Variants in TRAK1 observed in about 807,000 individuals in gnomAD.
TRAK1 encodes trafficking kinesin-binding protein 1.
Under a neutral mutation model 92.1 loss-of-function variants are expected in TRAK1, and 33 were observed. That is an observed-to-expected ratio of 0.36 (90% CI 0.27 to 0.48). The LOEUF (loss-of-function observed/expected upper bound fraction) is 0.48, where lower values mean the gene tolerates loss of function less well. TRAK1 is among the 20% of genes least tolerant of loss of function. The pLI, the probability that TRAK1 is intolerant of heterozygous loss-of-function variation, is 0.99. For synonymous variants in TRAK1, 521 were observed against 517.3 expected, an observed-to-expected ratio of 1.01 and a Z score of -0.10; for missense variants, 1,123 against 1,257.9, an observed-to-expected ratio of 0.89 and a Z score of 1.62.
intron 1 of TRAK1, among the ~76,000 whole-genome samples, chr3:42,070,311 ATAAT>A (rs1222495681): frequency 2.7e-5 from 4 of 149,374 alleles, no homozygotes; most frequent in African/African-American, 9.8e-5. Context: ...AATAATTAAT[ATAAT>A]TAATTGCCAG....
chr3:42,028,663 G>A (rs1702005482), intron 1 of TRAK1, among the ~76,000 whole-genome samples: 1 of 152,248 alleles, frequency 6.6e-6, no homozygotes, highest in Non-Finnish European at 1.5e-5. Context: ...GAGAAGGCCA[G>A]TGTGGCTGCA....
At chr3:42,169,385 A>G (rs1702269121) in intron 2 of TRAK1, among the ~76,000 whole-genome samples, 4 of 152,138 alleles carry the variant, frequency 2.6e-5, no homozygotes, top group South Asian at 2.1e-4. Context: ...GCTATAATGA[A>G]TGATGCTGCT....
chr3:42,023,673 A>C (rs1365660706), intron 1 of TRAK1, among the ~76,000 whole-genome samples: 1 of 150,700 alleles, frequency 6.6e-6, no homozygotes, highest in African/African-American at 2.4e-5. Flanking sequence ...ACCACCATTA[A>C]TCAGTTGTCC....
At chr3:42,192,416 G>A (rs6810002) in intron 7 of TRAK1, among the ~76,000 whole-genome samples, 4,320 of 18,212 alleles carry the variant, frequency 0.24, 91 homozygotes, top group East Asian at 0.44. Flanking sequence ...TTTCGTCAAA[G>A]TACTAAGTAT....
chr3:42,091,636 G>A, intron 1 of TRAK1, 76 bp downstream of exon 1: 1 of 1,417,386 alleles, frequency 7.1e-7, no homozygotes, highest in South Asian at 1.2e-5. Context: ...GACCACAGGA[G>A]AAGCTGTCTC....
intron 2 of TRAK1, among the ~76,000 whole-genome samples, chr3:42,167,773 G>A (rs550747314): frequency 1.1e-4 from 16 of 152,238 alleles, no homozygotes; most frequent in African/African-American, 3.4e-4. Context: ...CCAGCTACTC[G>A]GGAGGCTGAG....
At chr3:42,178,316 C>T (rs946650872) in intron 3 of TRAK1, among the ~76,000 whole-genome samples, 11 of 152,160 alleles carry the variant, frequency 7.2e-5, no homozygotes, top group Non-Finnish European at 1.5e-4. Flanking sequence ...CTGTAAAGCT[C>T]CTCGCTGTGT....
chr3:42,070,722 C>A (rs1479731155), intron 1 of TRAK1, among the ~76,000 whole-genome samples: 1 of 152,204 alleles, frequency 6.6e-6, no homozygotes, highest in African/African-American at 2.4e-5. Flanking sequence ...AGTCACCATG[C>A]CCAGCACTGA....
intron 14 of TRAK1, among the ~76,000 whole-genome samples, chr3:42,213,538 A>G (rs1234750542): frequency 6.6e-6 from 1 of 152,230 alleles, no homozygotes; most frequent in East Asian, 1.9e-4. Context: ...CTGAGTGAGG[A>G]AAGGGCAGAG....
intron 9 of TRAK1, among the ~76,000 whole-genome samples, chr3:42,194,483 G>T (rs1706309830): frequency 6.6e-6 from 1 of 151,862 alleles, no homozygotes; most frequent in Non-Finnish European, 1.5e-5. Context: ...CAAACTGCCT[G>T]CCTTGCCCTC....
At chr3:42,206,336 T>C (rs1040582480) in intron 13 of TRAK1, among the ~76,000 whole-genome samples, 3 of 152,078 alleles carry the variant, frequency 2.0e-5, no homozygotes, top group Non-Finnish European at 2.9e-5. Context: ...ATAACTGAAA[T>C]AGCACAGTCA....
intron 14 of TRAK1, chr3:42,210,796 C>G: frequency 1.0e-6 from 1 of 985,454 alleles, no homozygotes. Context: ...CTAAGCTTTT[C>G]CAGAGAGAAG....
chr3:42,218,320 G>C (rs1428400722), intron 14 of TRAK1: 7 of 985,098 alleles, frequency 7.1e-6, no homozygotes, highest in Non-Finnish European at 7.2e-6. Context: ...ACCATAAGGA[G>C]CTAGAAGATT....
intron 3 of TRAK1, among the ~76,000 whole-genome samples, chr3:42,182,285 A>C (rs1389846919): frequency 2.1e-5 from 3 of 143,666 alleles, no homozygotes; most frequent in African/African-American, 7.8e-5. Context: ...GAGTTGGGGG[A>C]TTTGCAACTC....
chr3:42,043,550 T>C (rs1415380691), intron 1 of TRAK1, among the ~76,000 whole-genome samples: 1 of 152,044 alleles, frequency 6.6e-6, no homozygotes, highest in Admixed American at 6.5e-5. Context: ...ATGGATGTTG[T>C]CTTTGGCTTT....
chr3:42,223,979 C>T lies in TRAK1; in HGVS notation c.*242C>T. On this transcript the variant is annotated 3_prime_UTR_variant, in exon 16 of 16. Transcript: ENST00000327628. This position sits in a 1 kb window ranked among gnomAD's most constrained non-coding sequence, Gnocchi z 6.1. ...TTCTTCCGATCCCACAGGAAGTGCC[C>T]CTGCACTGTCATCACTCTCACGAGG... 1 of 645,302 alleles carries T rather than the reference C, an allele frequency of 1.5e-6. No individual in the cohort carries two copies. The highest frequency in any genetic ancestry group is 2.8e-6 in the Non-Finnish European group (1 of 354,316). 40.0% of individuals were successfully genotyped at this position (645,302 alleles called of 1,614,324 possible).
intron 14 of TRAK1, chr3:42,211,520 T>A: frequency 1.0e-6 from 1 of 985,418 alleles, no homozygotes; most frequent in Non-Finnish European, 1.2e-6. Flanking sequence ...AGGCAGGTGG[T>A]GGTGCAGAAA....
intron 2 of TRAK1, among the ~76,000 whole-genome samples, chr3:42,137,667 G>C (rs1280042713): frequency 1.3e-5 from 2 of 152,194 alleles, no homozygotes; most frequent in East Asian, 3.8e-4. Context: ...AGTTTAGCTA[G>C]AATTGATAGA....
chr3:42,113,532 G>C (rs1708770966), intron 1 of TRAK1, among the ~76,000 whole-genome samples: 1 of 151,958 alleles, frequency 6.6e-6, no homozygotes, highest in Non-Finnish European at 1.5e-5. Flanking sequence ...TCCTGCCTCA[G>C]CCTCCCAAGT....
Sources: allele counts gnomAD v4.1 joint callset (sites outside exome capture counted in the v4.1 genomes callset), GRCh38; gene constraint gnomAD v4.1.1; non-coding constraint Gnocchi (gnomAD v3.1); transcripts MANE v1.5; gene names NCBI Gene and HGNC (gene_info 2026-07-23, HGNC 2026-07-21).